C2CD2L: variants seen among roughly 807,000 people sequenced by gnomAD.
The protein encoded by C2CD2L is phospholipid transfer protein C2CD2L.
A neutral mutation model predicts 69.9 loss-of-function variants in C2CD2L; 24 were observed. That is an observed-to-expected ratio of 0.34 (90% CI 0.25 to 0.48). The LOEUF (loss-of-function observed/expected upper bound fraction) is 0.48, where lower values mean the gene tolerates loss of function less well. Among genes scored for constraint, C2CD2L ranks in the 20% least tolerant of loss-of-function variants. C2CD2L has a pLI of 0.99. For missense variants in C2CD2L, 811 were observed against 941.5 expected (o/e 0.86, Z 1.81); for synonymous variants, 367 against 391.0 (o/e 0.94, Z 0.72).
Position 119,110,441 on chromosome 11 carries a change from C to A in C2CD2L, c.451-120C>A. The A allele has an allele frequency of 8.3e-7, 1 of 1,202,508 alleles. No individual in the cohort carries two copies. Among genetic ancestry groups the A allele is most frequent in the Non-Finnish European group, 1.1e-6 (1 of 880,598 alleles). 74.5% of individuals were successfully genotyped at this position (1,202,508 alleles called of 1,614,324 possible). ...CTGATTCTTTTAGGGATTTATGATCCTGAAAACATGAAGTCCTTAGGAAAA... is the reference window on the plus strand; with the variant it reads ...CTGATTCTTTTAGGGATTTATGATCATGAAAACATGAAGTCCTTAGGAAAA... On this transcript the variant is annotated intron_variant, in intron 2 of 13. Coordinates refer to ENST00000648610, the MANE Select transcript of C2CD2L (RefSeq NM_001290474.2). This position sits in a 1 kb window ranked among gnomAD's most constrained non-coding sequence, Gnocchi z 5.7.
chr11:119,107,521 C>A lies in C2CD2L; in HGVS notation c.-221C>A. On this transcript the variant is annotated 5_prime_UTR_variant, in exon 1 of 14. Coordinates refer to ENST00000648610, the MANE Select transcript of C2CD2L (RefSeq NM_001290474.2). The surrounding 1 kb of genome is among the most constrained non-coding windows in gnomAD (Gnocchi z 5.4). ...ACTGCTGACCAAGCTAGGAGAGACC[C>A]GGACCACGGAGACAGAGACCCCGGC... 1 of 406,746 alleles carries A rather than the reference C, an allele frequency of 2.5e-6. No homozygotes were observed. The highest frequency in any genetic ancestry group is 4.3e-6 in the Non-Finnish European group (1 of 232,218). 25.2% of individuals were successfully genotyped at this position (406,746 alleles called of 1,614,324 possible). A position where few individuals can be genotyped will look rare whatever the true frequency, so the allele number is the denominator to read the frequency against.
In C2CD2L at chr11:119,116,043, A is replaced by C. The variant is rs1423253645; in HGVS notation, c.1910-2A>C. The C allele has an allele frequency of 6.2e-7, 1 of 1,610,400 alleles. No individual in the cohort carries two copies. The highest frequency in any genetic ancestry group is 2.2e-5 in the East Asian group (1 of 44,804). The stretch of plus-strand genomic sequence containing the variant: ...GCCTCAGCTTCCCCTCTTCCCCTGC[A>C]GTGAGTTTCCTGCGCAGCGGCACTA... On this transcript the variant is annotated splice_acceptor_variant, in intron 13 of 13. Transcript: ENST00000648610. LOFTEE classifies it high-confidence loss of function.
In C2CD2L at chr11:119,116,663, G is replaced by A. The variant is rs1014689742; in HGVS notation, c.*407G>A. 1 of 198,526 alleles carries A rather than the reference G, an allele frequency of 5.0e-6. No homozygotes were observed. Among genetic ancestry groups the A allele is most frequent in the Non-Finnish European group, 1.1e-5 (1 of 94,490 alleles). 12.3% of individuals were successfully genotyped at this position (198,526 alleles called of 1,614,324 possible). A position where few individuals can be genotyped will look rare whatever the true frequency, so the allele number is the denominator to read the frequency against. ...ACCCTCCGTGAACAGATGATAGAGG[G>A]CATCTCTCCCAGGTGACCCTTCTTT... is the stretch of plus-strand genomic sequence containing the variant. On this transcript the variant is annotated 3_prime_UTR_variant, in exon 14 of 14. Coordinates refer to ENST00000648610, the MANE Select transcript of C2CD2L (RefSeq NM_001290474.2).
At chr11:119,111,197 G>A in intron 5 of C2CD2L, 29 bp downstream of exon 5, 1 of 1,609,702 alleles carries the variant, frequency 6.2e-7, no homozygotes, top group Non-Finnish European at 8.5e-7. Flanking sequence ...CAAAAGATTT[G>A]CATGCACCTT....
upstream of C2CD2L, among the ~76,000 whole-genome samples, chr11:119,102,598 T>C (rs984523222): frequency 6.6e-6 from 1 of 152,102 alleles, no homozygotes; most frequent in African/African-American, 2.4e-5. Context: ...CCCTCAGGTC[T>C]TGGATTTAAC....
Position 119,111,247 on chromosome 11 carries a change from C to T in C2CD2L, c.799-16C>T, listed in dbSNP as rs1946732630. The T allele has an allele frequency of 6.2e-7, 1 of 1,613,232 alleles. No homozygotes were observed. Among genetic ancestry groups the T allele is most frequent in the Admixed American group, 1.7e-5 (1 of 60,014 alleles). On this transcript the variant is annotated splice_polypyrimidine_tract_variant and intron_variant, in intron 5 of 13. Transcript: ENST00000648610. ...ATGTCAGGATTCTTGCTCTTTGGAC[C>T]TTCTTCTGCTCTTAGGTACCCAGTG... is the stretch of plus-strand genomic sequence containing the variant.
chr11:119,106,002 C>T (rs978479007), upstream of C2CD2L, among the ~76,000 whole-genome samples: 2 of 152,220 alleles, frequency 1.3e-5, no homozygotes, highest in African/African-American at 4.8e-5. Flanking sequence ...TCTTCTCCTC[C>T]CTTTGAGATT....
chr11:119,112,904 C>G (rs758791139), intron 10 of C2CD2L, 30 bp downstream of exon 10: 1 of 1,604,212 alleles, frequency 6.2e-7, no homozygotes, highest in Non-Finnish European at 8.5e-7. Flanking sequence ...GAGCCCAGCT[C>G]TAGCCAGGGG....
In C2CD2L at chr11:119,114,054, C is replaced by T. The variant is rs1946822063; in HGVS notation, c.1624-26C>T. 3.7e-6 allele frequency: 6 copies of T among 1,613,782 alleles called. No individual in the cohort carries two copies. In the East Asian group the frequency reaches 1.3e-4, roughly 36 times the overall value. On this transcript the variant is annotated intron_variant, in intron 12 of 13. Coordinates refer to ENST00000648610, the MANE Select transcript of C2CD2L (RefSeq NM_001290474.2). This position sits in a 1 kb window ranked among gnomAD's most constrained non-coding sequence, Gnocchi z 5.1. ...GCCCTAATGGGTCGGTCACTCCTGC[C>T]CATTAAAACCCGTCCCTCCTGCCAG...
rs759003239 is a variant in C2CD2L, at chr11:119,109,490, C to T, written c.355-614C>T. Among the ~76,000 whole-genome samples, 5 of 152,066 alleles carry T rather than the reference C, an allele frequency of 3.3e-5. No individual in the cohort carries two copies. The highest frequency in any genetic ancestry group is 6.5e-5 in the Admixed American group (1 of 15,274). On this transcript the variant is annotated intron_variant, in intron 1 of 13. Transcript: ENST00000648610. The surrounding 1 kb of genome is among the most constrained non-coding windows in gnomAD (Gnocchi z 5.1). Reference sequence around the variant, plus strand: ...CCCCTGGACTCTTGGGTCCTCTGAGCTTGTATCTCTTCCCAGTCCCCCTGG... The same window carrying T: ...CCCCTGGACTCTTGGGTCCTCTGAGTTTGTATCTCTTCCCAGTCCCCCTGG...
upstream of C2CD2L, among the ~76,000 whole-genome samples, chr11:119,103,510 A>G (rs1276479715): frequency 2.6e-5 from 4 of 152,162 alleles, no homozygotes; most frequent in African/African-American, 9.7e-5. Flanking sequence ...CAGCCTGGCC[A>G]ACACGGTGAA....
chr11:119,113,348 C>T (rs1946799323), intron 10 of C2CD2L: 3 of 482,014 alleles, frequency 6.2e-6, no homozygotes, highest in African/African-American at 3.9e-5. Flanking sequence ...CAGGGAGCCC[C>T]AGTACCCCCT....
chr11:119,110,153 C>T lies in C2CD2L; in HGVS notation c.404C>T (p.Ala135Val). Residue 135 changes from alanine to valine, a missense_variant, in exon 2 of 14, where the codon GCC (alanine) becomes GTC (valine). Coordinates refer to ENST00000648610, the MANE Select transcript of C2CD2L (RefSeq NM_001290474.2). This position sits in a 1 kb window ranked among gnomAD's most constrained non-coding sequence, Gnocchi z 5.7. ...FEEVPQLPPR[A>V]SISHVTCVDQ... ...GAGGTGCCCCAACTCCCACCCAGAG[C>T]CAGCATCAGTCATGTGACCTGCGTA... 1 of 1,614,034 alleles carries T rather than the reference C, an allele frequency of 6.2e-7. No individual in the cohort carries two copies. The highest frequency in any genetic ancestry group is 8.5e-7 in the Non-Finnish European group (1 of 1,179,888).
Position 119,107,513 on chromosome 11 carries a change from G to A in C2CD2L, c.-229G>A. ...CGGGTCCGACTGCTGACCAAGCTAG[G>A]AGAGACCCGGACCACGGAGACAGAG... On this transcript the variant is annotated 5_prime_UTR_variant, in exon 1 of 14. Transcript: ENST00000648610. The surrounding 1 kb of genome is among the most constrained non-coding windows in gnomAD (Gnocchi z 5.4). The A allele has an allele frequency of 2.5e-6, 1 of 397,352 alleles. No individual in the cohort carries two copies. The allele number at this position is 397,352 out of a possible 1,614,324, so 24.6% of individuals were successfully genotyped here.
In C2CD2L at chr11:119,111,065, A is replaced by AG; in HGVS notation, c.695_696insG (p.Val233SerfsTer7). On this transcript the variant is annotated frameshift_variant, in exon 5 of 14. Coordinates refer to ENST00000648610, the MANE Select transcript of C2CD2L (RefSeq NM_001290474.2). LOFTEE classifies it high-confidence loss of function. ...TTCTCTCTGCAGAGAGGTGAAGAACAAGTGGAGCTCTCCACAATTGAGGAA... is the reference window on the plus strand; with the variant it reads ...TTCTCTCTGCAGAGAGGTGAAGAACAGAGTGGAGCTCTCCACAATTGAGGAA... The AG allele has an allele frequency of 6.2e-7, 1 of 1,614,010 alleles. No homozygotes were observed. Among genetic ancestry groups the AG allele is most frequent in the Non-Finnish European group, 8.5e-7 (1 of 1,179,918 alleles).
In C2CD2L at chr11:119,107,847, G is replaced by A; in HGVS notation, c.106G>A (p.Gly36Ser). ...VFAWLLQYAR[G>S]LWLARARGDR... ...CGCCTGGCTGCTGCAATATGCCCGGGGCTTGTGGCTGGCGCGGGCCCGCGG... is the reference window on the plus strand; with the variant it reads ...CGCCTGGCTGCTGCAATATGCCCGGAGCTTGTGGCTGGCGCGGGCCCGCGG... The change falls in exon 1 of 14, where the codon GGC becomes AGC. Residue 36 changes from glycine to serine, a missense_variant. Physicochemically the swap from Gly to Ser is moderately conservative, Grantham distance 56. Transcript: ENST00000648610. This position sits in a 1 kb window ranked among gnomAD's most constrained non-coding sequence, Gnocchi z 5.4. The A allele has an allele frequency of 3.9e-6, 6 of 1,544,830 alleles. No individual in the cohort carries two copies. Among genetic ancestry groups the A allele is most frequent in the Admixed American group, 1.9e-5 (1 of 52,102 alleles).
rs1243696408 is a variant in C2CD2L, at chr11:119,109,146, G to A, written c.355-958G>A. Among the ~76,000 whole-genome samples, 1 of 152,176 alleles carries A rather than the reference G, an allele frequency of 6.6e-6. No homozygotes were observed. Among genetic ancestry groups the A allele is most frequent in the Non-Finnish European group, 1.5e-5 (1 of 68,032 alleles). On this transcript the variant is annotated intron_variant, in intron 1 of 13. Coordinates refer to ENST00000648610, the MANE Select transcript of C2CD2L (RefSeq NM_001290474.2). The surrounding 1 kb of genome is among the most constrained non-coding windows in gnomAD (Gnocchi z 5.1). ...CCCTTGCAGAGGGTGGGGAGATTGA[G>A]GTTTCAAGCATCCATCTCCCCATCT...
Position 119,110,161 on chromosome 11 carries a change from A to G in C2CD2L, c.412A>G (p.Ser138Gly). The change falls in exon 2 of 14, where the codon AGT (serine) becomes GGT (glycine). Residue 138 changes from serine (S) to glycine (G), a missense_variant. Physicochemically the swap from Ser to Gly is moderately conservative, Grantham distance 56. Coordinates refer to ENST00000648610, the MANE Select transcript of C2CD2L (RefSeq NM_001290474.2). This position sits in a 1 kb window ranked among gnomAD's most constrained non-coding sequence, Gnocchi z 5.7. ...VPQLPPRASI[S>G]HVTCVDQSEH... ...CCAACTCCCACCCAGAGCCAGCATC[A>G]GTCATGTGACCTGCGTAGACCAATC... is the stretch of plus-strand genomic sequence containing the variant. 6.2e-7 allele frequency: 1 copy of G among 1,614,038 alleles called. No individual in the cohort carries two copies. Among genetic ancestry groups the G allele is most frequent in the Non-Finnish European group, 8.5e-7 (1 of 1,179,902 alleles).
Position 119,117,488 on chromosome 11 carries a change from A to G in C2CD2L, c.*1232A>G, listed in dbSNP as rs747034087. The G allele has an allele frequency of 6.6e-6, 1 of 152,220 alleles. No homozygotes were observed. The highest frequency in any genetic ancestry group is 1.5e-5 in the Non-Finnish European group (1 of 68,052). 9.4% of individuals were successfully genotyped at this position (152,220 alleles called of 1,614,324 possible). On this transcript the variant is annotated 3_prime_UTR_variant, in exon 14 of 14. Transcript: ENST00000648610. The stretch of plus-strand genomic sequence containing the variant: ...TTACTTGTGTGACCTTGGGCAAGTT[A>G]TGTAACCTCTAAGTGCCTCAGTTTT...
Sources: allele counts gnomAD v4.1 joint callset (sites outside exome capture counted in the v4.1 genomes callset), GRCh38; gene constraint gnomAD v4.1.1; non-coding constraint Gnocchi (gnomAD v3.1); transcripts MANE v1.5; gene names NCBI Gene and HGNC (gene_info 2026-07-23, HGNC 2026-07-21).